Variants in SFPQ observed in about 807,000 individuals in gnomAD.
SFPQ encodes the protein splicing factor proline and glutamine rich, also known as splicing factor, proline- and glutamine-rich.
SFPQ carries 11 observed loss-of-function variants against 72.9 expected under a neutral mutation model. That is an observed-to-expected ratio of 0.15 (90% confidence interval 0.09 to 0.25). The LOEUF is 0.25. SFPQ is among the 10% of genes least tolerant of loss of function. The pLI, the probability that SFPQ is intolerant of heterozygous loss-of-function variation, is 1.00. For missense variants in SFPQ, 847 were observed against 993.3 expected, an observed-to-expected ratio of 0.85 and a Z score of 1.98; for synonymous variants, 506 against 367.3, an observed-to-expected ratio of 1.38 and a Z score of -4.32.
In SFPQ at chr1:35,183,729, GCTTT is replaced by G; in HGVS notation, c.*723_*726del. 1 of 1,047,690 alleles carries G rather than the reference GCTTT, an allele frequency of 9.5e-7. No homozygotes were observed. The highest frequency in any genetic ancestry group is 1.2e-6 in the Non-Finnish European group (1 of 867,892). The allele number at this position is 1,047,690 out of a possible 1,614,324, so 64.9% of individuals were successfully genotyped here. A position where few individuals can be genotyped will look rare whatever the true frequency, so the allele number is the denominator to read the frequency against. On this transcript the variant is annotated 3_prime_UTR_variant, in exon 10 of 10. Transcript: ENST00000357214. ...AAAATGACCTTTCCACTTTTCAAAAGCTTTCAAGTAAAGGATAGATCATAGGGCC... is the reference window on the plus strand; with the variant it reads ...AAAATGACCTTTCCACTTTTCAAAAGCAAGTAAAGGATAGATCATAGGGCC...
rs780525524 is a variant in SFPQ at position 35,187,946 on chromosome 1, A to G, written c.1815+27T>C. 54 of 1,437,918 alleles carry G rather than the reference A, an allele frequency of 3.8e-5. No homozygotes were observed. In the South Asian group the frequency reaches 5.2e-4, roughly 14 times the overall value. The allele number at this position is 1,437,918 out of a possible 1,614,324, so 89.1% of individuals were successfully genotyped here. ...CCTGCAAGTTCTATAGACAACTCCAATTGGAAGGCAGTAAAGGCTGACTTA... is the reference window on the plus strand; with the variant it reads ...CCTGCAAGTTCTATAGACAACTCCAGTTGGAAGGCAGTAAAGGCTGACTTA... On this transcript the variant is annotated intron_variant, in intron 7 of 9. Transcript: ENST00000357214.
downstream of SFPQ, chr1:35,182,738 G>T: frequency 2.0e-6 from 2 of 985,392 alleles, no homozygotes; most frequent in Non-Finnish European, 2.4e-6. Flanking sequence ...TGAATGGAAC[G>T]TAACTCAGAA....
intron 6 of SFPQ, 82 bp from the exon 7 acceptor site, chr1:35,188,172 T>A: frequency 1.9e-6 from 2 of 1,056,380 alleles, no homozygotes; most frequent in Non-Finnish European, 2.9e-6. Flanking sequence ...GCAGTTGACC[T>A]AAGAACTAGG....
rs76145803 is a variant in SFPQ, at chr1:35,191,095, T to G, written c.1018-100A>C. On this transcript the variant is annotated intron_variant, in intron 2 of 9. Coordinates refer to ENST00000357214, the MANE Select transcript of SFPQ (RefSeq NM_005066.3). The stretch of plus-strand genomic sequence containing the variant: ...TTCCTACTCCCTTTCTTCCTTCAGC[T>G]CAGTTCGACCATTACCTTTAGGCAG... 7.0e-4 allele frequency: 772 copies of G among 1,108,718 alleles called. 3 individuals carry two copies. In the African/African-American group the frequency reaches 0.011, roughly 15 times the overall value. The allele number at this position is 1,108,718 out of a possible 1,614,324, so 68.7% of individuals were successfully genotyped here. A position where few individuals can be genotyped will look rare whatever the true frequency, so the allele number is the denominator to read the frequency against.
chr1:35,181,357 C>T (rs1639456576), downstream of SFPQ: 3 of 1,064,914 alleles, frequency 2.8e-6, no homozygotes, highest in Non-Finnish European at 3.4e-6. Flanking sequence ...CCAAGAAAAG[C>T]CAAGTATCTA....
downstream of SFPQ, chr1:35,181,322 A>AT (rs571023270): frequency 2.8e-6 from 3 of 1,065,614 alleles, no homozygotes; most frequent in South Asian, 1.4e-4. Context: ...ACCAGAAAAC[A>AT]TTCCGCCACA....
rs945544354 is a variant in SFPQ, at chr1:35,192,113, G to T, written c.828+109C>A. 4 of 939,572 alleles carry T rather than the reference G, an allele frequency of 4.3e-6. No homozygotes were observed. In the African/African-American group the frequency reaches 6.9e-5, roughly 16 times the overall value. 58.2% of individuals were successfully genotyped at this position (939,572 alleles called of 1,614,324 possible). On this transcript the variant is annotated intron_variant, in intron 1 of 9. Transcript: ENST00000357214. ...CCCGCCCCCGCAGCGGCGCGCGCAA[G>T]CGCCCCTTCCGGCAGCCGACAAAAT...
At chr1:35,191,253 G>T in intron 2 of SFPQ, 88 bp downstream of exon 2, 1 of 1,131,800 alleles carries the variant, frequency 8.8e-7, no homozygotes, top group Non-Finnish European at 1.3e-6. Context: ...ATCCTCCCCA[G>T]TTTAAAAACC....
At chr1:35,190,398 A>G (rs1639939760) in intron 4 of SFPQ, 100 bp downstream of exon 4, 2 of 766,222 alleles carry the variant, frequency 2.6e-6, no homozygotes, top group Non-Finnish European at 4.4e-6. Context: ...ATCCACATCA[A>G]ATAATTTTGC....
At chr1:35,182,387 C>A (rs955259985), downstream of SFPQ, 10 of 985,274 alleles carry the variant, frequency 1.0e-5, no homozygotes, top group African/African-American at 1.7e-4. Context: ...CATGGTAAAA[C>A]TACTCATATT....
chr1:35,191,648 C>T lies in SFPQ; in HGVS notation c.829-119G>A, dbSNP rs1570139825. ...CCTTTCTGTTCCGTTTGGTCAAAAT[C>T]AAGGTTTTACTATGTGAGATTTCTA... On this transcript the variant is annotated intron_variant, in intron 1 of 9. Coordinates refer to ENST00000357214, the MANE Select transcript of SFPQ (RefSeq NM_005066.3). The T allele has an allele frequency of 4.2e-6, 3 of 718,906 alleles. No homozygotes were observed. The African/African-American group carries it at 5.4e-5, about 13-fold the overall frequency. The allele number at this position is 718,906 out of a possible 1,614,324, so 44.5% of individuals were successfully genotyped here. A position where few individuals can be genotyped will look rare whatever the true frequency, so the allele number is the denominator to read the frequency against.
intron 7 of SFPQ, among the ~76,000 whole-genome samples, chr1:35,187,526 T>A (rs1557800605): frequency 1.3e-5 from 2 of 151,758 alleles, no homozygotes; most frequent in Non-Finnish European, 1.5e-5. Context: ...AGGTCAGGAG[T>A]TCAAGACCAG....
At chr1:35,192,080 C>T in intron 1 of SFPQ, 142 bp downstream of exon 1, 1 of 574,234 alleles carries the variant, frequency 1.7e-6, no homozygotes, top group Admixed American at 4.6e-5. Context: ...GACGGCCCCG[C>T]AGGCCGCCCC....
chr1:35,178,948 T>C, downstream of SFPQ: 3 of 1,054,798 alleles, frequency 2.8e-6, no homozygotes, highest in Non-Finnish European at 3.4e-6. Context: ...TTATGGTTAA[T>C]GGTTTACCAG....
rs980841748 is a variant in SFPQ at position 35,184,349 on chromosome 1, C to T, written c.*107G>A. The stretch of plus-strand genomic sequence containing the variant: ...TTACAAATATTAGGTCAATAAACTG[C>T]TAACATCCATAAAAAGATAGCTTTC... On this transcript the variant is annotated 3_prime_UTR_variant, in exon 10 of 10. Transcript: ENST00000357214. The T allele has an allele frequency of 2.6e-6, 4 of 1,550,508 alleles. No individual in the cohort carries two copies. The highest frequency in any genetic ancestry group is 3.5e-6 in the Non-Finnish European group (4 of 1,156,766).
chr1:35,183,187 C>T lies in SFPQ; in HGVS notation c.*1269G>A. 3.0e-6 allele frequency: 3 copies of T among 1,000,158 alleles called. No individual in the cohort carries two copies. The highest frequency in any genetic ancestry group is 3.6e-6 in the Non-Finnish European group (3 of 833,002). The allele number at this position is 1,000,158 out of a possible 1,614,324, so 62.0% of individuals were successfully genotyped here. On this transcript the variant is annotated 3_prime_UTR_variant, in exon 10 of 10. Transcript: ENST00000357214. ...AAGGAGATGTAAAAGTTACAGAGTA[C>T]AAATGTATATATAACTAAACCTACT... is the stretch of plus-strand genomic sequence containing the variant.
chr1:35,182,718 T>G (rs1265196785), downstream of SFPQ: 7 of 985,440 alleles, frequency 7.1e-6, no homozygotes, highest in South Asian at 2.8e-4. Context: ...AATTCTACAA[T>G]GTACAGATTT....
rs1473306447 is a variant in SFPQ, at chr1:35,183,944, TTTC to T, written c.*509_*511del. On this transcript the variant is annotated 3_prime_UTR_variant, in exon 10 of 10. Coordinates refer to ENST00000357214, the MANE Select transcript of SFPQ (RefSeq NM_005066.3). ...AATCATCAAACTACTTCAATATGCA[TTTC>T]TTCTTTTTAAAACAAAGGGGGCAAT... The T allele has an allele frequency of 6.7e-6, 7 of 1,050,696 alleles. No homozygotes were observed. The South Asian group carries it at 1.8e-4, about 27-fold the overall frequency. The allele number at this position is 1,050,696 out of a possible 1,614,324, so 65.1% of individuals were successfully genotyped here.
At chr1:35,178,137 G>A (rs756259397), downstream of SFPQ, 8 of 1,135,974 alleles carry the variant, frequency 7.0e-6, no homozygotes, top group Non-Finnish European at 8.7e-6. Context: ...AAAATCCAGA[G>A]ATAAAGATTG....
Sources: gnomAD v4.1 joint callset for allele counts (sites outside exome capture counted in the v4.1 genomes callset) on GRCh38, gnomAD v4.1.1 for gene constraint, MANE v1.5 for transcripts, NCBI Gene and HGNC (gene_info 2026-07-23, HGNC 2026-07-21) for gene names.